NF1: variants seen among roughly 807,000 people sequenced by gnomAD.
NF1 encodes neurofibromin.
NF1 carries 122 observed loss-of-function variants against 325.7 expected under a neutral mutation model. That is an observed-to-expected ratio of 0.37 (90% CI 0.32 to 0.44). NF1 has a LOEUF of 0.44. Among genes scored for constraint, NF1 ranks in the 20% least tolerant of loss-of-function variants. The probability of loss-of-function intolerance (pLI) is 1.00; values close to 1 mark genes in which losing one functional copy is unlikely to be tolerated. For missense variants in NF1, 2,140 were observed against 3,415.4 expected (o/e 0.63, Z 9.31); for synonymous variants, 1,091 against 1,186.0 (o/e 0.92, Z 1.65).
chr17:31,371,923 T>TG lies in NF1; in HGVS notation c.8378-2089dup, dbSNP rs529967895. ...CGTGCTTACAGATGCCTGATACTCT[T>TG]GAGTCGAATTCAGAGCTGAATCCAA... On this transcript the variant is annotated intron_variant, in intron 57 of 57. Coordinates refer to ENST00000358273, the MANE Select transcript of NF1 (RefSeq NM_001042492.3). Among the ~76,000 whole-genome samples the TG allele has an allele frequency of 1.1e-4, 17 of 152,300 alleles. No individual in the cohort carries two copies. In the South Asian group the frequency reaches 3.5e-3, roughly 32 times the overall value.
At chr17:31,115,992 A>AC (rs1172946580) in intron 1 of NF1, among the ~76,000 whole-genome samples, 3 of 152,194 alleles carry the variant, frequency 2.0e-5, no homozygotes, top group Non-Finnish European at 4.4e-5. Flanking sequence ...TAATTATCTG[A>AC]CCAAGAAATG....
chr17:31,176,483 T>C (rs949822320), intron 5 of NF1, among the ~76,000 whole-genome samples: 1 of 152,232 alleles, frequency 6.6e-6, no homozygotes, highest in Non-Finnish European at 1.5e-5. Flanking sequence ...TGGTAGTTTC[T>C]TTTGCTATGC....
intron 36 of NF1, among the ~76,000 whole-genome samples, chr17:31,314,933 G>A (rs1474798277): frequency 1.3e-5 from 2 of 152,136 alleles, no homozygotes; most frequent in Non-Finnish European, 2.9e-5. Context: ...GCGTACGAGA[G>A]TTCCATTTTC....
Position 31,229,479 on chromosome 17 carries a change from TTA to T in NF1, c.2850+16_2850+17del, listed in dbSNP as rs1327300479. 1 of 1,611,136 alleles carries T rather than the reference TTA, an allele frequency of 6.2e-7. No homozygotes were observed. The highest frequency in any genetic ancestry group is 1.7e-5 in the Admixed American group (1 of 60,004). ...TCCCAAGGACAGGTAAAGTGTTCTC[TTA>T]TTTTTCACCTTTCTCTATGAATAGA... On this transcript the variant is annotated intron_variant, in intron 21 of 57. Coordinates refer to ENST00000358273, the MANE Select transcript of NF1 (RefSeq NM_001042492.3).
At chr17:31,236,147 A>C in intron 29 of NF1, 126 bp downstream of exon 29, 1 of 692,694 alleles carries the variant, frequency 1.4e-6, no homozygotes, top group Non-Finnish European at 2.5e-6. Flanking sequence ...TTTAATTATA[A>C]AAGTTATATA....
intron 35 of NF1, among the ~76,000 whole-genome samples, chr17:31,263,276 A>G (rs2067727257): frequency 6.6e-6 from 1 of 152,094 alleles, no homozygotes; most frequent in Non-Finnish European, 1.5e-5. Flanking sequence ...CTCCATCTCT[A>G]CAAATAATAA....
At chr17:31,342,971 G>A in intron 47 of NF1, 38 bp from the exon 48 acceptor site, 1 of 1,613,274 alleles carries the variant, frequency 6.2e-7, no homozygotes, top group Non-Finnish European at 8.5e-7. Flanking sequence ...AAGCTACTGT[G>A]TGAACCTCAT....
chr17:31,227,777 T>C (rs2067042736), intron 20 of NF1, among the ~76,000 whole-genome samples, 171 bp downstream of exon 20: 1 of 152,254 alleles, frequency 6.6e-6, no homozygotes, highest in South Asian at 2.1e-4. Context: ...AGCTACTAGC[T>C]ATGTGTGACT....
chr17:31,261,208 A>G (rs936157674), intron 34 of NF1, among the ~76,000 whole-genome samples: 1 of 151,666 alleles, frequency 6.6e-6, no homozygotes, highest in East Asian at 1.9e-4. Context: ...GCACAATTGT[A>G]CTCCAGCCTG....
chr17:31,362,454 T>A, intron 57 of NF1: 2 of 588,756 alleles, frequency 3.4e-6, no homozygotes, highest in Non-Finnish European at 4.3e-6. Flanking sequence ...AGTTCTTATC[T>A]AGAACCAAGG....
intron 1 of NF1, among the ~76,000 whole-genome samples, chr17:31,142,547 A>C (rs1338335053): frequency 6.6e-6 from 1 of 151,958 alleles, no homozygotes; most frequent in Non-Finnish European, 1.5e-5. Context: ...GTCTAATTTC[A>C]TTTTGCACTT....
At chr17:31,151,934 C>A (rs984860776) in intron 1 of NF1, among the ~76,000 whole-genome samples, 2 of 151,856 alleles carry the variant, frequency 1.3e-5, no homozygotes, top group Non-Finnish European at 2.9e-5. Flanking sequence ...GCACAATGTG[C>A]AGGTTTGTTA....
At chr17:31,307,599 A>C (rs1178200161) in intron 36 of NF1, among the ~76,000 whole-genome samples, 3 of 152,184 alleles carry the variant, frequency 2.0e-5, no homozygotes, top group African/African-American at 7.2e-5. Context: ...CTACCTGTCT[A>C]ACCATGAGAA....
At chr17:31,184,598 C>T (rs1203155036) in intron 8 of NF1, among the ~76,000 whole-genome samples, 6 of 146,642 alleles carry the variant, frequency 4.1e-5, no homozygotes, top group African/African-American at 1.5e-4. Context: ...TGCAGTGAGC[C>T]GAGATTGCGC....
chr17:31,108,290 T>TC (rs1491464456), intron 1 of NF1, among the ~76,000 whole-genome samples: 1 of 69,160 alleles, frequency 1.4e-5, no homozygotes, highest in Admixed American at 1.5e-4. Flanking sequence ...TTTTTTTTTT[T>TC]CTGAGACAGA....
chr17:31,140,793 T>C (rs1916151672), intron 1 of NF1, among the ~76,000 whole-genome samples: 1 of 152,180 alleles, frequency 6.6e-6, no homozygotes, highest in South Asian at 2.1e-4. Context: ...AAGAAGGATA[T>C]TCTGTCATTT....
At chr17:31,192,175 T>C (rs1201379001) in intron 8 of NF1, among the ~76,000 whole-genome samples, 1 of 152,210 alleles carries the variant, frequency 6.6e-6, no homozygotes, top group East Asian at 1.9e-4. Context: ...TATATATGTG[T>C]CCACGAAAAG....
intron 29 of NF1, among the ~76,000 whole-genome samples, chr17:31,237,357 C>A (rs937905526): frequency 4.6e-5 from 7 of 152,206 alleles, no homozygotes; most frequent in Non-Finnish European, 1.0e-4. Flanking sequence ...TCACTGCAAC[C>A]TTCCTGTGCA....
rs577375684 is a variant in NF1 at position 31,143,819 on chromosome 17, C to CT, written c.61-12156dup. ...CTTGTTCTTGTTTTTCTTTTCTTTT[C>CT]TTTTTTTTGTTTTGTTTTTTGAGAC... On this transcript the variant is annotated intron_variant, in intron 1 of 57. Coordinates refer to ENST00000358273, the MANE Select transcript of NF1 (RefSeq NM_001042492.3). Among the ~76,000 whole-genome samples the CT allele has an allele frequency of 3.3e-3, 500 of 151,164 alleles. 1 individual carries two copies. The highest frequency in any genetic ancestry group is 5.2e-3 in the Non-Finnish European group (349 of 67,652).
Sources: allele counts gnomAD v4.1 joint callset (sites outside exome capture counted in the v4.1 genomes callset), GRCh38; gene constraint gnomAD v4.1.1; transcripts MANE v1.5; gene names NCBI Gene and HGNC (gene_info 2026-07-23, HGNC 2026-07-21).